Variants in ACTR3 observed in about 807,000 individuals in gnomAD.
ACTR3 encodes actin-related protein 3.
A neutral mutation model predicts 56.8 loss-of-function variants in ACTR3; 12 were observed. The observed-to-expected ratio is 0.21, with a 90% CI of 0.14 to 0.34. ACTR3 has a LOEUF of 0.34. ACTR3 is among the 10% of genes least tolerant of loss of function. The probability of loss-of-function intolerance (pLI) is 1.00; values close to 1 mark genes in which losing one functional copy is unlikely to be tolerated. For synonymous variants in ACTR3, 162 were observed against 167.4 expected (o/e 0.97, Z 0.25); for missense variants, 282 against 512.5 (o/e 0.55, Z 4.34).
At chr2:113,901,705 C>T (rs1198838100) in intron 1 of ACTR3, among the ~76,000 whole-genome samples, 3 of 152,088 alleles carry the variant, frequency 2.0e-5, no homozygotes, top group Non-Finnish European at 4.4e-5. Flanking sequence ...TTTGTTATAT[C>T]ATTTCATTTG....
chr2:113,956,834 C>A (rs1195196118), intron 11 of ACTR3, among the ~76,000 whole-genome samples: 1 of 152,138 alleles, frequency 6.6e-6, no homozygotes, highest in African/African-American at 2.4e-5. Context: ...TCAATTGGGC[C>A]ATATAACCTA....
In ACTR3 at chr2:113,913,243, A is replaced by C; in HGVS notation, c.100+16A>C. 6.4e-7 allele frequency: 1 copy of C among 1,563,588 alleles called. No homozygotes were observed. On this transcript the variant is annotated intron_variant, in intron 2 of 11. Coordinates refer to ENST00000263238, the MANE Select transcript of ACTR3 (RefSeq NM_005721.5). ...ATCCCTTCCTGTAAGTATTTCTTTTAAGCCACAAATGAGCTGATTTAAAAG... is the reference window on the plus strand; with the variant it reads ...ATCCCTTCCTGTAAGTATTTCTTTTCAGCCACAAATGAGCTGATTTAAAAG...
At chr2:113,891,335 G>A (rs1678891066) in intron 1 of ACTR3, among the ~76,000 whole-genome samples, 1 of 152,136 alleles carries the variant, frequency 6.6e-6, no homozygotes, top group Admixed American at 6.5e-5. Flanking sequence ...TGTTTAAGTT[G>A]CAAATAGTTA....
chr2:113,894,189 G>A (rs557852659), intron 1 of ACTR3, among the ~76,000 whole-genome samples: 10 of 151,982 alleles, frequency 6.6e-5, no homozygotes, highest in African/African-American at 2.4e-4. Flanking sequence ...TGCCTCCTGG[G>A]TTCAGGTGAT....
chr2:113,921,231 C>T (rs773299768), intron 3 of ACTR3, among the ~76,000 whole-genome samples: 8 of 150,386 alleles, frequency 5.3e-5, no homozygotes, highest in Non-Finnish European at 7.4e-5. Flanking sequence ...TCATGTTGGA[C>T]GTTTTTTTCA....
chr2:113,926,736 C>G (rs1222844809), intron 3 of ACTR3, among the ~76,000 whole-genome samples: 1 of 152,218 alleles, frequency 6.6e-6, no homozygotes, highest in African/African-American at 2.4e-5. Context: ...CCTACCACCT[C>G]TCGATACTAT....
chr2:113,910,357 CCT>C (rs1315137720), intron 1 of ACTR3, among the ~76,000 whole-genome samples: 1 of 152,106 alleles, frequency 6.6e-6, no homozygotes, highest in African/African-American at 2.4e-5. Flanking sequence ...CACACCTCAC[CCT>C]GTGTGTGTCT....
At chr2:113,942,530 TTAAAA>T (rs1679942533) in intron 8 of ACTR3, among the ~76,000 whole-genome samples, 171 bp downstream of exon 8, 1 of 152,162 alleles carries the variant, frequency 6.6e-6, no homozygotes, top group Non-Finnish European at 1.5e-5. Flanking sequence ...TTTGCTTTTG[TTAAAA>T]TAAGCAAAAT....
rs10166866 is a variant in ACTR3 at position 113,962,119 on chromosome 2, A to G, written c.*4664A>G. 5.6e-4 allele frequency: 85 copies of G among 152,092 alleles called. No individual in the cohort carries two copies. The highest frequency in any genetic ancestry group is 1.9e-3 in the African/African-American group (77 of 41,540). The allele number at this position is 152,092 out of a possible 1,614,324, so 9.4% of individuals were successfully genotyped here. On this transcript the variant is annotated 3_prime_UTR_variant, in exon 12 of 12. Transcript: ENST00000263238. ...CAACTTTTGTTCCTTCAAAATACCC[A>G]TATTTGTCAAATATGACCGAATTAC... is the stretch of plus-strand genomic sequence containing the variant.
intron 8 of ACTR3, among the ~76,000 whole-genome samples, chr2:113,945,400 AT>A (rs1679997861): frequency 6.6e-6 from 1 of 151,976 alleles, no homozygotes. Context: ...CTGTTTCTTG[AT>A]ATGTCACTGT....
intron 3 of ACTR3, among the ~76,000 whole-genome samples, chr2:113,920,378 A>G (rs1679485437): frequency 6.6e-6 from 1 of 152,172 alleles, no homozygotes; most frequent in Admixed American, 6.5e-5. Context: ...ATTTTACTTG[A>G]CATATAATAA....
chr2:113,906,420 A>T (rs1470663253), intron 1 of ACTR3, among the ~76,000 whole-genome samples: 1 of 151,970 alleles, frequency 6.6e-6, no homozygotes, highest in Non-Finnish European at 1.5e-5. Flanking sequence ...CATTCTGTGG[A>T]TTGCCTTTCC....
intron 1 of ACTR3, among the ~76,000 whole-genome samples, chr2:113,891,974 G>A (rs1374715274): frequency 6.6e-6 from 1 of 152,178 alleles, no homozygotes; most frequent in Non-Finnish European, 1.5e-5. Context: ...GCCTGAGTCA[G>A]TAGGATAGGA....
At chr2:113,946,859 C>T (rs759913622) in intron 8 of ACTR3, among the ~76,000 whole-genome samples, 5 of 152,198 alleles carry the variant, frequency 3.3e-5, no homozygotes, top group Non-Finnish European at 7.3e-5. Flanking sequence ...TCTTGTTATA[C>T]ACGGTCTGGA....
At position 113,923,388 on chromosome 2, in the gene ACTR3, A is replaced by T. The variant is rs538310494; in HGVS notation, c.226-3957A>T. On this transcript the variant is annotated intron_variant, in intron 3 of 11. Transcript: ENST00000263238. ...AGCCTGGCTCTGTCGCCCAGGCTAG[A>T]GTGCAGTGGCGCGATCTCAGCTCAC... 4.6e-5 allele frequency among the ~76,000 whole-genome samples: 7 copies of T among 152,074 alleles called. No homozygotes were observed. In the East Asian group the frequency reaches 1.4e-3, roughly 29 times the overall value.
At chr2:113,894,386 C>T (rs1024169217) in intron 1 of ACTR3, among the ~76,000 whole-genome samples, 1 of 152,210 alleles carries the variant, frequency 6.6e-6, no homozygotes, top group Non-Finnish European at 1.5e-5. Context: ...AGCCACTGCA[C>T]CGGCTTAATA....
chr2:113,950,635 C>T (rs572881635), intron 8 of ACTR3, among the ~76,000 whole-genome samples: 3 of 152,190 alleles, frequency 2.0e-5, no homozygotes, highest in South Asian at 4.1e-4. Context: ...ATGGACTTAA[C>T]GGGTTTTTCC....
chr2:113,920,923 A>G (rs1183080252), intron 3 of ACTR3, among the ~76,000 whole-genome samples: 2 of 152,224 alleles, frequency 1.3e-5, no homozygotes, highest in Non-Finnish European at 2.9e-5. Context: ...GAGTACTGCA[A>G]TAAACATGAG....
intron 4 of ACTR3, among the ~76,000 whole-genome samples, chr2:113,929,498 T>TA (rs1308599995): frequency 1.3e-5 from 2 of 152,206 alleles, no homozygotes; most frequent in Non-Finnish European, 2.9e-5. Context: ...TTTGTGGACA[T>TA]ATGTTTTCAT....
Sources: allele counts gnomAD v4.1 joint callset (sites outside exome capture counted in the v4.1 genomes callset), GRCh38; gene constraint gnomAD v4.1.1; transcripts MANE v1.5; gene names NCBI Gene and HGNC (gene_info 2026-07-23, HGNC 2026-07-21).